Variants in ZNF804B observed in about 807,000 individuals in gnomAD.
ZNF804B encodes the protein zinc finger 804B.
A neutral mutation model predicts 101.4 loss-of-function variants in ZNF804B; 80 were observed. That is an observed-to-expected ratio of 0.79 (90% CI 0.66 to 0.95). The LOEUF (loss-of-function observed/expected upper bound fraction) is 0.95, where lower values mean the gene tolerates loss of function less well. Ranked by LOEUF, ZNF804B falls within the 40% of genes least tolerant of loss-of-function variation. The pLI is 0.00. For synonymous variants in ZNF804B, 622 were observed against 558.8 expected, an observed-to-expected ratio of 1.11 and a Z score of -1.59; for missense variants, 1,673 against 1,561.9, an observed-to-expected ratio of 1.07 and a Z score of -1.20.
At position 89,242,763 on chromosome 7, in the gene ZNF804B, AT is replaced by A. The variant is rs1789390407; in HGVS notation, c.249+24472del. Among the ~76,000 whole-genome samples, 4 of 151,814 alleles carry A rather than the reference AT, an allele frequency of 2.6e-5. No homozygotes were observed. The South Asian group carries it at 8.3e-4, about 31-fold the overall frequency. ...TGTAATATAAAATTACATTTATTTC[AT>A]TTTGTTATATTTGTCATAATTTATC... On this transcript the variant is annotated intron_variant, in intron 2 of 3. Coordinates refer to ENST00000333190, the MANE Select transcript of ZNF804B (RefSeq NM_181646.5).
chr7:88,765,234 A>G (rs1751493594), intron 1 of ZNF804B, among the ~76,000 whole-genome samples: 1 of 152,164 alleles, frequency 6.6e-6, no homozygotes, highest in Admixed American at 6.5e-5. Flanking sequence ...TTTTAGATAT[A>G]TGACTAAAAT....
intron 1 of ZNF804B, among the ~76,000 whole-genome samples, chr7:88,842,351 C>T (rs76704008): frequency 0.011 from 1,744 of 152,280 alleles, 31 homozygotes; most frequent in African/African-American, 0.039. Flanking sequence ...CAGAAACCAG[C>T]TCTCCCATGA....
chr7:89,201,982 A>G (rs1043048349), intron 1 of ZNF804B, among the ~76,000 whole-genome samples: 2 of 152,042 alleles, frequency 1.3e-5, no homozygotes, highest in Non-Finnish European at 2.9e-5. Context: ...TAAATGCCTA[A>G]CATACGATTT....
At chr7:89,099,328 A>G (rs2116336069) in intron 1 of ZNF804B, among the ~76,000 whole-genome samples, 1 of 152,218 alleles carries the variant, frequency 6.6e-6, no homozygotes, top group East Asian at 1.9e-4. Flanking sequence ...ATATAATAAA[A>G]GGGGAAGAAA....
chr7:88,946,554 C>CTTTTTTTTTTTTTTTTTTTTT (rs202172425), intron 1 of ZNF804B, among the ~76,000 whole-genome samples: 2 of 128,118 alleles, frequency 1.6e-5, no homozygotes. Context: ...CTGAAATTTT[C>CTTTTTTTTTTTTTTTTTTTTT]TTTTTTTTTT....
At chr7:89,215,734 T>C (rs972735109) in intron 1 of ZNF804B, among the ~76,000 whole-genome samples, 1 of 151,128 alleles carries the variant, frequency 6.6e-6, no homozygotes, top group African/African-American at 2.4e-5. Context: ...ATACAAAAAA[T>C]TAGCCGGGCG....
rs547140458 is a variant in ZNF804B, at chr7:89,319,158, C to A, written c.250-8186C>A. On this transcript the variant is annotated intron_variant, in intron 2 of 3. Coordinates refer to ENST00000333190, the MANE Select transcript of ZNF804B (RefSeq NM_181646.5). ...AACCTTCCAGCTTGGGCATTAGGGCCATTATGGACAGGCTATAGTGCTGCA... is the reference window on the plus strand; with the variant it reads ...AACCTTCCAGCTTGGGCATTAGGGCAATTATGGACAGGCTATAGTGCTGCA... Among the ~76,000 whole-genome samples the A allele has an allele frequency of 2.0e-5, 3 of 152,162 alleles. No individual in the cohort carries two copies. In the South Asian group the frequency reaches 6.2e-4, roughly 32 times the overall value.
intron 2 of ZNF804B, among the ~76,000 whole-genome samples, chr7:89,263,504 T>A (rs531222845): frequency 6.6e-6 from 1 of 152,264 alleles, no homozygotes; most frequent in East Asian, 1.9e-4. Context: ...AATTGCCTAA[T>A]GTATTCAAGT....
At chr7:89,201,900 A>C (rs1376840729) in intron 1 of ZNF804B, among the ~76,000 whole-genome samples, 1 of 152,110 alleles carries the variant, frequency 6.6e-6, no homozygotes, top group Non-Finnish European at 1.5e-5. Context: ...AATGAGGCTT[A>C]TTCTGCTTAG....
In ZNF804B at chr7:88,857,256, A is replaced by G. The variant is rs894288472; in HGVS notation, c.108+97172A>G. On this transcript the variant is annotated intron_variant, in intron 1 of 3. Coordinates refer to ENST00000333190, the MANE Select transcript of ZNF804B (RefSeq NM_181646.5). ...AGCTAGCAGAAGGCAAGAAATAACT[A>G]AGATCAGAGCAGAACTGACAGAAAT... Among the ~76,000 whole-genome samples the G allele has an allele frequency of 2.6e-5, 4 of 152,174 alleles. 1 individual carries two copies. Among genetic ancestry groups the G allele is most frequent in the Admixed American group, 2.6e-4 (4 of 15,268 alleles).
At chr7:89,208,919 G>A (rs923787117) in intron 1 of ZNF804B, among the ~76,000 whole-genome samples, 12 of 152,220 alleles carry the variant, frequency 7.9e-5, no homozygotes, top group African/African-American at 2.9e-4. Context: ...GGCTGAGGCA[G>A]GAGAATCACT....
chr7:88,788,284 C>T (rs1790332396), intron 1 of ZNF804B, among the ~76,000 whole-genome samples: 1 of 152,086 alleles, frequency 6.6e-6, no homozygotes, highest in Non-Finnish European at 1.5e-5. Context: ...CATAGTGTAA[C>T]CCTGGCCACT....
At chr7:89,011,361 C>T (rs1368662758) in intron 1 of ZNF804B, among the ~76,000 whole-genome samples, 1 of 152,162 alleles carries the variant, frequency 6.6e-6, no homozygotes, top group Non-Finnish European at 1.5e-5. Context: ...CCTTCCATAT[C>T]TCATGTCCTC....
intron 1 of ZNF804B, among the ~76,000 whole-genome samples, chr7:89,160,727 A>G (rs1485975433): frequency 2.0e-5 from 3 of 152,100 alleles, no homozygotes; most frequent in Non-Finnish European, 2.9e-5. Context: ...CTTTATTATT[A>G]TATCTCCTAA....
chr7:88,781,476 C>T (rs1240643873), intron 1 of ZNF804B, among the ~76,000 whole-genome samples: 4 of 152,112 alleles, frequency 2.6e-5, no homozygotes, highest in African/African-American at 9.7e-5. Context: ...CTTGAGGTCA[C>T]CCAGGGCTAC....
At chr7:89,234,869 A>C (rs1789256746) in intron 2 of ZNF804B, among the ~76,000 whole-genome samples, 1 of 152,106 alleles carries the variant, frequency 6.6e-6, no homozygotes, top group South Asian at 2.1e-4. Flanking sequence ...GGACTGATCC[A>C]TGCCACTGGC....
At chr7:88,856,518 G>C (rs1013723022) in intron 1 of ZNF804B, among the ~76,000 whole-genome samples, 3 of 152,058 alleles carry the variant, frequency 2.0e-5, no homozygotes. Flanking sequence ...TGAGACAATG[G>C]GGTTTTCTAG....
At chr7:89,117,093 AC>A (rs1790323169) in intron 1 of ZNF804B, among the ~76,000 whole-genome samples, 1 of 152,138 alleles carries the variant, frequency 6.6e-6, no homozygotes, top group Admixed American at 6.6e-5. Flanking sequence ...CAGATGATAA[AC>A]CAAAGAATTC....
chr7:89,202,815 T>G (rs1397353389), intron 1 of ZNF804B, among the ~76,000 whole-genome samples: 1 of 152,116 alleles, frequency 6.6e-6, no homozygotes. Flanking sequence ...CCTGGATTAA[T>G]TTTCTTAAAA....
Sources: allele counts gnomAD v4.1 joint callset (sites outside exome capture counted in the v4.1 genomes callset), GRCh38; gene constraint gnomAD v4.1.1; transcripts MANE v1.5; gene names NCBI Gene and HGNC (gene_info 2026-07-23, HGNC 2026-07-21).